The following CRY1 variants were observed in gnomAD, a reference collection of about 807,000 sequenced individuals.
CRY1 encodes the protein cryptochrome circadian regulator 1.
CRY1 carries 45 observed loss-of-function variants against 76.0 expected under a neutral mutation model. The observed-to-expected ratio is 0.59, with a 90% CI of 0.47 to 0.76. The LOEUF (loss-of-function observed/expected upper bound fraction) is 0.76. Ranked by LOEUF, CRY1 falls within the 30% of genes least tolerant of loss-of-function variation. The pLI, the probability that CRY1 is intolerant of heterozygous loss-of-function variation, is 0.00. For missense variants in CRY1, 587 were observed against 716.4 expected (o/e 0.82, Z 2.06); for synonymous variants, 248 against 244.0 (o/e 1.02, Z -0.15).
intron 2 of CRY1, among the ~76,000 whole-genome samples, chr12:107,006,895 C>T (rs1028161599): frequency 1.3e-5 from 2 of 152,086 alleles, no homozygotes; most frequent in African/African-American, 2.4e-5. Context: ...CCATCTACCT[C>T]GGCCTCCCAA....
At chr12:107,090,906 T>C (rs937358186) in intron 1 of CRY1, among the ~76,000 whole-genome samples, 1 of 152,228 alleles carries the variant, frequency 6.6e-6, no homozygotes, top group Non-Finnish European at 1.5e-5. Flanking sequence ...CTTCTCCAGC[T>C]GGCTTCACTT....
At chr12:107,020,533 T>TTG (rs1952544185) in intron 2 of CRY1, among the ~76,000 whole-genome samples, 1 of 151,530 alleles carries the variant, frequency 6.6e-6, no homozygotes, top group Non-Finnish European at 1.5e-5. Context: ...CTGTTTTTTT[T>TTG]TTTGTTTTTT....
chr12:107,006,016 C>T (rs1289771863), intron 2 of CRY1, among the ~76,000 whole-genome samples: 1 of 151,996 alleles, frequency 6.6e-6, no homozygotes, highest in Non-Finnish European at 1.5e-5. Flanking sequence ...ATTTAACTGC[C>T]TATATGGTAA....
chr12:107,074,418 T>C (rs1323363212), intron 1 of CRY1, among the ~76,000 whole-genome samples: 2 of 152,224 alleles, frequency 1.3e-5, no homozygotes, highest in Admixed American at 6.5e-5. Context: ...ATTTAATTTG[T>C]TGTTGCTGTT....
intron 2 of CRY1, among the ~76,000 whole-genome samples, chr12:107,006,433 C>A (rs1027911201): frequency 6.6e-6 from 1 of 151,970 alleles, no homozygotes; most frequent in East Asian, 1.9e-4. Context: ...TTTATGCACA[C>A]ATCTTACAAA....
intron 1 of CRY1, among the ~76,000 whole-genome samples, chr12:107,060,786 G>T (rs1361723730): frequency 2.0e-5 from 3 of 152,128 alleles, no homozygotes; most frequent in Non-Finnish European, 4.4e-5. Context: ...ATACCATCCT[G>T]GCTAACACAG....
rs148406548 is a variant in CRY1 at position 107,010,561 on chromosome 12, A to C, written c.268-5313T>G. ...TGTGTCACATTTTATCAATTCTCACAGTATTTCAAACTTTTTCATTATTAT... is the reference window on the plus strand; with the variant it reads ...TGTGTCACATTTTATCAATTCTCACCGTATTTCAAACTTTTTCATTATTAT... On this transcript the variant is annotated intron_variant, in intron 2 of 12. Coordinates refer to ENST00000008527, the MANE Select transcript of CRY1 (RefSeq NM_004075.5). Among the ~76,000 whole-genome samples, 1,043 of 152,242 alleles carry C rather than the reference A, an allele frequency of 6.9e-3. 18 individuals are homozygous for C. The highest frequency in any genetic ancestry group is 0.024 in the African/African-American group (1,000 of 41,534).
chr12:107,042,722 T>C (rs1952811904), intron 1 of CRY1, among the ~76,000 whole-genome samples: 1 of 152,096 alleles, frequency 6.6e-6, no homozygotes, highest in Admixed American at 6.5e-5. Context: ...CTGGGGTATA[T>C]CACAGGAACA....
At chr12:106,996,256 G>A (rs553259589) in intron 10 of CRY1, among the ~76,000 whole-genome samples, 1 of 152,292 alleles carries the variant, frequency 6.6e-6, no homozygotes, top group Admixed American at 6.5e-5. Context: ...GTTTGCTGAG[G>A]ATAATGGCTA....
At chr12:107,024,117 AG>A (rs1396689286) in intron 1 of CRY1, among the ~76,000 whole-genome samples, 2 of 152,160 alleles carry the variant, frequency 1.3e-5, no homozygotes, top group African/African-American at 4.8e-5. Context: ...AATGTCCTGG[AG>A]GGGGTAATCT....
intron 1 of CRY1, among the ~76,000 whole-genome samples, chr12:107,075,243 G>C (rs773456808): frequency 6.6e-6 from 1 of 152,144 alleles, no homozygotes; most frequent in Non-Finnish European, 1.5e-5. Context: ...TGAAGAGTCA[G>C]TTGTGTTTCT....
intron 2 of CRY1, among the ~76,000 whole-genome samples, chr12:107,015,536 G>A (rs2300448): frequency 0.13 from 19,245 of 152,058 alleles, 2,079 homozygotes; most frequent in African/African-American, 0.28. Flanking sequence ...GTAGAGATGC[G>A]GTCTCAGCAT....
chr12:107,034,847 T>A (rs893179742), intron 1 of CRY1, among the ~76,000 whole-genome samples: 10 of 152,194 alleles, frequency 6.6e-5, no homozygotes, highest in African/African-American at 2.4e-4. Flanking sequence ...TTCAAAGGAT[T>A]AAAATCACTT....
rs774995797 is a variant in CRY1 at position 106,999,774 on chromosome 12, C to T, written c.914G>A (p.Arg305His). ...AGGGTTTCCTTCCATTTTATCAAAG[C>T]GTGGATTATTTGTTGCTGCTGTATA... ...FFYTAATNNP[R>H]FDKMEGNPIC... Residue 305 changes from arginine (R) to histidine (H), a missense_variant, in exon 7 of 13, where the codon CGC becomes CAC. Physicochemically the swap from Arg to His is conservative, Grantham distance 29. Coordinates refer to ENST00000008527, the MANE Select transcript of CRY1 (RefSeq NM_004075.5). The T allele has an allele frequency of 1.3e-5, 21 of 1,614,046 alleles. No individual in the cohort carries two copies. Among genetic ancestry groups the T allele is most frequent in the Non-Finnish European group, 1.7e-5 (20 of 1,180,038 alleles).
At chr12:107,050,172 A>C (rs1952902615) in intron 1 of CRY1, 1 of 152,238 alleles carries the variant, frequency 6.6e-6, no homozygotes, top group Admixed American at 6.5e-5. Context: ...AGCTAGAAAA[A>C]ATGGAAAGGT....
rs1010495707 is a variant in CRY1 at position 106,991,887 on chromosome 12, A to G, written c.*115T>C. ...CCACAGAAATGTCATTAGAAACAAC[A>G]TATTTCAATATGTAACTGCTTTCCA... On this transcript the variant is annotated 3_prime_UTR_variant, in exon 13 of 13. Coordinates refer to ENST00000008527, the MANE Select transcript of CRY1 (RefSeq NM_004075.5). 2 of 152,598 alleles carry G rather than the reference A, an allele frequency of 1.3e-5. No homozygotes were observed. The highest frequency in any genetic ancestry group is 2.9e-5 in the Non-Finnish European group (2 of 68,016). 9.5% of individuals were successfully genotyped at this position (152,598 alleles called of 1,614,324 possible).
chr12:107,036,624 GT>G (rs1952735721), intron 1 of CRY1, among the ~76,000 whole-genome samples: 1 of 150,544 alleles, frequency 6.6e-6, no homozygotes, highest in African/African-American at 2.5e-5. Flanking sequence ...GGCTTTCTAG[GT>G]CCTACAGAAC....
At chr12:107,071,416 A>AT (rs1245558451) in intron 1 of CRY1, among the ~76,000 whole-genome samples, 1 of 152,194 alleles carries the variant, frequency 6.6e-6, no homozygotes, top group African/African-American at 2.4e-5. Flanking sequence ...TTATTCCTGC[A>AT]TTTTCAACAT....
chr12:106,996,462 T>C (rs1438224469), intron 10 of CRY1, among the ~76,000 whole-genome samples: 1 of 152,236 alleles, frequency 6.6e-6, no homozygotes, highest in Non-Finnish European at 1.5e-5. Context: ...AACAGAATGA[T>C]TTATATTCCT....
Sources: allele counts gnomAD v4.1 joint callset (sites outside exome capture counted in the v4.1 genomes callset), GRCh38; gene constraint gnomAD v4.1.1; transcripts MANE v1.5; gene names NCBI Gene and HGNC (gene_info 2026-07-23, HGNC 2026-07-21).